The following HPRT1 variants were observed in gnomAD, a reference collection of about 807,000 sequenced individuals.
HPRT1 encodes the protein hypoxanthine phosphoribosyltransferase 1.
A neutral mutation model predicts 19.0 loss-of-function variants in HPRT1; 4 were observed. That is an observed-to-expected ratio of 0.21 (90% CI 0.10 to 0.48). HPRT1 has a LOEUF of 0.48. Ranked by LOEUF, HPRT1 falls within the 20% of genes least tolerant of loss-of-function variation. The pLI is 0.98. For missense variants in HPRT1, 65 were observed against 164.0 expected, an observed-to-expected ratio of 0.40 and a Z score of 3.30; for synonymous variants, 53 against 54.9, an observed-to-expected ratio of 0.97 and a Z score of 0.15.
intron 4 of HPRT1, among the ~76,000 whole-genome samples, chrX:134,488,871 A>G (rs1602746321): frequency 8.9e-6 from 1 of 111,784 alleles, no homozygotes; most frequent in East Asian, 2.8e-4. Context: ...TATTTTTTGT[A>G]TTCATTTTCT....
intron 2 of HPRT1, 23 bp downstream of exon 2, chrX:134,473,488 G>GT (rs747906552): frequency 4.2e-6 from 4 of 942,616 alleles, no homozygotes; most frequent in Admixed American, 2.2e-5. Context: ...TTAAAATGAG[G>GT]TTTTTTACTT....
chrX:134,472,036 C>T (rs894212114), intron 1 of HPRT1, among the ~76,000 whole-genome samples: 6 of 111,173 alleles, frequency 5.4e-5, no homozygotes, highest in Non-Finnish European at 1.1e-4. Flanking sequence ...GTGGTATGAT[C>T]GTAGCTCACT....
chrX:134,482,219 A>AATTTTTTGT (rs747573748), intron 3 of HPRT1, among the ~76,000 whole-genome samples: 1 of 109,640 alleles, frequency 9.1e-6, no homozygotes, highest in African/African-American at 3.3e-5. Flanking sequence ...ACGCCCAGCT[A>AATTTTTTGT]ATTTTTTGTA....
At chrX:134,466,672 T>C (rs2077597750) in intron 1 of HPRT1, among the ~76,000 whole-genome samples, 1 of 111,933 alleles carries the variant, frequency 8.9e-6, no homozygotes, top group Non-Finnish European at 1.9e-5. Context: ...AATAACCACA[T>C]GCAACACCAA....
In HPRT1 at chrX:134,500,209, G is replaced by A; in HGVS notation, c.*132G>A. 3 of 529,141 alleles carry A rather than the reference G, an allele frequency of 5.7e-6. No individual in the cohort carries two copies. Among genetic ancestry groups the A allele is most frequent in the Non-Finnish European group, 1.0e-5 (3 of 297,192 alleles). 43.6% of individuals were successfully genotyped at this position (529,141 alleles called of 1,213,427 possible). On this transcript the variant is annotated 3_prime_UTR_variant, in exon 9 of 9. Transcript: ENST00000298556. The stretch of plus-strand genomic sequence containing the variant: ...CATGTATCTTCTAAGAATTTTATCT[G>A]TTTTGTACTTTAGAAATGTCAGTTG...
Position 134,499,584 on chromosome X carries a change from C to A in HPRT1, c.610-446C>A, listed in dbSNP as rs988347444. Among the ~76,000 whole-genome samples, 4 of 111,336 alleles carry A rather than the reference C, an allele frequency of 3.6e-5. No homozygotes were observed. The East Asian group carries it at 8.5e-4, about 24-fold the overall frequency. On this transcript the variant is annotated intron_variant, in intron 8 of 8. Transcript: ENST00000298556. Reference sequence around the variant, plus strand: ...CTTTGGGAGGCTGAGGCGGGCGGATCACAAGGTCAGGAGATCGAGACCATC... The same window carrying A: ...CTTTGGGAGGCTGAGGCGGGCGGATAACAAGGTCAGGAGATCGAGACCATC...
At chrX:134,481,051 C>T (rs948832970) in intron 3 of HPRT1, among the ~76,000 whole-genome samples, 2 of 109,859 alleles carry the variant, frequency 1.8e-5, no homozygotes, top group African/African-American at 6.6e-5. Flanking sequence ...TAAAAGATTA[C>T]TGCAGTGAAG....
intron 4 of HPRT1, chrX:134,486,756 GC>G (rs774717449): frequency 2.9e-6 from 1 of 350,832 alleles, no homozygotes; most frequent in Non-Finnish European, 5.2e-6. Context: ...ACTGCTGTCT[GC>G]CTCTGTGGGA....
chrX:134,475,098 T>A, intron 2 of HPRT1, 83 bp from the exon 3 acceptor site: 1 of 774,208 alleles, frequency 1.3e-6, no homozygotes, highest in Non-Finnish European at 2.0e-6. Context: ...CAGGTTGGTG[T>A]GGAAGTTTAA....
At chrX:134,479,415 G>A (rs1485787305) in intron 3 of HPRT1, among the ~76,000 whole-genome samples, 1 of 109,384 alleles carries the variant, frequency 9.1e-6, no homozygotes, top group African/African-American at 3.3e-5. Context: ...GATTACAGGC[G>A]CCTGCTACCA....
chrX:134,496,709 C>G (rs1026449238), intron 6 of HPRT1, among the ~76,000 whole-genome samples: 1 of 111,958 alleles, frequency 8.9e-6, no homozygotes, highest in Non-Finnish European at 1.9e-5. Context: ...CAGTGGTTAT[C>G]TACTTAGGCT....
rs745689781 is a variant in HPRT1, at chrX:134,470,216, C to T, written c.28-3143C>T. Among the ~76,000 whole-genome samples, 7 of 112,038 alleles carry T rather than the reference C, an allele frequency of 6.2e-5. No homozygotes were observed. In the South Asian group the frequency reaches 2.2e-3, roughly 36 times the overall value. Reference sequence around the variant, plus strand: ...GCCATGACCAGGGGCATGTCCTGGTCCACCTACCTGAAAATGTTTGCAACC... The same window carrying T: ...GCCATGACCAGGGGCATGTCCTGGTTCACCTACCTGAAAATGTTTGCAACC... On this transcript the variant is annotated intron_variant, in intron 1 of 8. Transcript: ENST00000298556.
At chrX:134,475,900 C>T (rs2077624110) in intron 3 of HPRT1, among the ~76,000 whole-genome samples, 1 of 111,983 alleles carries the variant, frequency 8.9e-6, no homozygotes, top group African/African-American at 3.2e-5. Flanking sequence ...AATTGAAATG[C>T]ATCACAACAT....
intron 5 of HPRT1, among the ~76,000 whole-genome samples, chrX:134,490,458 A>C (rs1409431115): frequency 1.0e-5 from 1 of 98,602 alleles, no homozygotes; most frequent in African/African-American, 3.8e-5. Flanking sequence ...CTCTCTCTCT[A>C]TTTATCTATA....
At chrX:134,492,162 A>G (rs1490037405) in intron 5 of HPRT1, among the ~76,000 whole-genome samples, 2 of 104,473 alleles carry the variant, frequency 1.9e-5, no homozygotes, top group Non-Finnish European at 3.9e-5. Flanking sequence ...AAGTGCTGGT[A>G]TTATAGGCAT....
At chrX:134,470,116 G>A (rs1226152953) in intron 1 of HPRT1, among the ~76,000 whole-genome samples, 1 of 112,316 alleles carries the variant, frequency 8.9e-6, no homozygotes. Flanking sequence ...TTCTGCTTAT[G>A]AAAGTAGTAC....
chrX:134,475,488 A>C lies in HPRT1; in HGVS notation c.318+124A>C, dbSNP rs1171165561. Reference sequence around the variant, plus strand: ...GGTTACAGTGAGATTTTTCTAACATATTCACTAGTACTTTACATCAAAGCC... The same window carrying C: ...GGTTACAGTGAGATTTTTCTAACATCTTCACTAGTACTTTACATCAAAGCC... On this transcript the variant is annotated intron_variant, in intron 3 of 8. Transcript: ENST00000298556. 4 of 473,637 alleles carry C rather than the reference A, an allele frequency of 8.4e-6. No individual in the cohort carries two copies. The African/African-American group carries it at 9.7e-5, about 11-fold the overall frequency. 39.0% of individuals were successfully genotyped at this position (473,637 alleles called of 1,213,427 possible).
intron 5 of HPRT1, among the ~76,000 whole-genome samples, chrX:134,491,004 A>ATG (rs1556029152): frequency 1.1e-4 from 11 of 95,861 alleles, no homozygotes; most frequent in Admixed American, 2.3e-4. Context: ...CTCTCTCTCT[A>ATG]TGTATATATA....
At chrX:134,475,409 T>A in intron 3 of HPRT1, 45 bp downstream of exon 3, 1 of 818,351 alleles carries the variant, frequency 1.2e-6, no homozygotes, top group Non-Finnish European at 1.8e-6. Flanking sequence ...CAACAGTAGG[T>A]TTTCTTATAT....
Sources: gnomAD v4.1 joint callset for allele counts (sites outside exome capture counted in the v4.1 genomes callset) on GRCh38, gnomAD v4.1.1 for gene constraint, MANE v1.5 for transcripts, NCBI Gene and HGNC (gene_info 2026-07-23, HGNC 2026-07-21) for gene names.